Variants in CSMD2 observed in about 807,000 individuals in gnomAD.
The protein encoded by CSMD2 is CUB and Sushi multiple domains 2, also known as CUB and sushi domain-containing protein 2.
CSMD2 carries 130 observed loss-of-function variants against 398.5 expected under a neutral mutation model. That is an observed-to-expected ratio of 0.33 (90% CI 0.28 to 0.38). CSMD2 has a LOEUF of 0.38. CSMD2 is among the 10% of genes least tolerant of loss of function. The pLI is 1.00. For synonymous variants in CSMD2, 1,828 were observed against 1,908.5 expected (o/e 0.96, Z 1.10); for missense variants, 3,829 against 4,764.9 (o/e 0.80, Z 5.78).
chr1:33,921,068 G>C (rs1570509895), intron 4 of CSMD2, among the ~76,000 whole-genome samples: 1 of 152,270 alleles, frequency 6.6e-6, no homozygotes, highest in East Asian at 1.9e-4. Flanking sequence ...ACAGAGCTGG[G>C]CTGGACAGGA....
rs544251858 is a variant in CSMD2 at position 33,566,595 on chromosome 1, T to C, written c.8380+998A>G. On this transcript the variant is annotated intron_variant, in intron 53 of 70. Transcript: ENST00000373381. ...AGAGAAGCAGAAGGCTAAAATAGAA[T>C]GGTCAAAGGTGCATCAGGCAAAAGA... 4.6e-5 allele frequency among the ~76,000 whole-genome samples: 7 copies of C among 152,274 alleles called. 1 individual carries two copies. The highest frequency in any genetic ancestry group is 1.2e-4 in the African/African-American group (5 of 41,564).
At chr1:33,557,693 G>A in intron 55 of CSMD2, 41 bp downstream of exon 55, 2 of 1,514,534 alleles carry the variant, frequency 1.3e-6, no homozygotes, top group Non-Finnish European at 1.8e-6. Flanking sequence ...TTTGACACGG[G>A]CCACCCCATC....
chr1:34,112,232 G>A (rs1268329009), intron 1 of CSMD2, among the ~76,000 whole-genome samples: 1 of 152,164 alleles, frequency 6.6e-6, no homozygotes, highest in Non-Finnish European at 1.5e-5. Flanking sequence ...TGGGCATGTG[G>A]AGACACTGGG....
intron 25 of CSMD2, among the ~76,000 whole-genome samples, chr1:33,666,766 C>G (rs1178764865): frequency 6.6e-6 from 1 of 151,994 alleles, no homozygotes; most frequent in Non-Finnish European, 1.5e-5. Context: ...CACTGCTGTG[C>G]CAGGCTGCCC....
intron 53 of CSMD2, among the ~76,000 whole-genome samples, chr1:33,562,726 G>A (rs1658688724): frequency 6.6e-6 from 1 of 152,210 alleles, no homozygotes; most frequent in Non-Finnish European, 1.5e-5. Context: ...GGCTTTGAGT[G>A]AAATAGATTA....
intron 44 of CSMD2, chr1:33,592,494 G>A: frequency 1.4e-6 from 1 of 717,188 alleles, no homozygotes. Flanking sequence ...AGTGCCCTGA[G>A]GAGCAGTTAA....
At chr1:33,580,499 A>G (rs1049425815) in intron 48 of CSMD2, among the ~76,000 whole-genome samples, 1 of 152,242 alleles carries the variant, frequency 6.6e-6, no homozygotes, top group African/African-American at 2.4e-5. Context: ...AAGGGACAGG[A>G]TCACTGTTAG....
At chr1:33,955,243 T>C (rs1645127964) in intron 3 of CSMD2, among the ~76,000 whole-genome samples, 1 of 152,184 alleles carries the variant, frequency 6.6e-6, no homozygotes, top group South Asian at 2.1e-4. Flanking sequence ...TTATCTTATT[T>C]TCCCCCACGA....
At chr1:33,837,111 G>GT (rs574886628) in intron 6 of CSMD2, among the ~76,000 whole-genome samples, 4 of 152,152 alleles carry the variant, frequency 2.6e-5, no homozygotes, top group South Asian at 2.1e-4. Flanking sequence ...TAGCCATCTT[G>GT]TTTTTTTAAC....
chr1:33,692,967 T>C lies in CSMD2; in HGVS notation c.4015A>G (p.Ile1339Val). The C allele has an allele frequency of 6.2e-7, 1 of 1,608,212 alleles. No individual in the cohort carries two copies. The highest frequency in any genetic ancestry group is 8.5e-7 in the Non-Finnish European group (1 of 1,177,512). Residue 1339 changes from isoleucine to valine, a missense_variant, in exon 25 of 71, where the codon ATC (isoleucine) becomes GTC (valine). By Grantham distance (29) the Ile-to-Val change is conservative. This residue lies in a region of CSMD2 where 2,001 missense variants were observed against 2,567.1 expected (regional missense o/e 0.78). Transcript: ENST00000373381. Reference sequence around the variant, plus strand: ...CCGGCCTCTGCTTCGATGGTCCAGATGCAGTTGAGATTGTGTTCATAGGGA... The same window carrying C: ...CCGGCCTCTGCTTCGATGGTCCAGACGCAGTTGAGATTGTGTTCATAGGGA... ...PAPYEHNLNC[I>V]WTIEAEAGCT...
Position 33,542,701 on chromosome 1 carries a change from G to A in CSMD2, c.9277+19C>T, listed in dbSNP as rs372894611. On this transcript the variant is annotated intron_variant, in intron 58 of 70. Transcript: ENST00000373381. ...TGGGCCACTGTTGGCCATGGAACCC[G>A]TAGGGCCTGAGCTCTCACCGAGGCA... The A allele has an allele frequency of 1.9e-4, 311 of 1,606,060 alleles. No homozygotes were observed. The highest frequency in any genetic ancestry group is 2.0e-4 in the Non-Finnish European group (231 of 1,175,766).
intron 25 of CSMD2, among the ~76,000 whole-genome samples, chr1:33,689,362 G>C (rs1022778585): frequency 6.6e-6 from 1 of 152,188 alleles, no homozygotes; most frequent in Non-Finnish European, 1.5e-5. Flanking sequence ...ACTAAGGACT[G>C]ATGTTATCTT....
At position 33,709,119 on chromosome 1, in the gene CSMD2, T is replaced by C. The variant is rs759881019; in HGVS notation, c.3546A>G (p.Ala1182=). The C allele has an allele frequency of 6.2e-7, 1 of 1,613,946 alleles. No homozygotes were observed. The highest frequency in any genetic ancestry group is 8.5e-7 in the Non-Finnish European group (1 of 1,179,912). ...PGKGIQLKAR[A]FELSEGDVLK... ...GGACATCTCCTTCGGAGAGTTCGAA[T>C]GCCCTGGCTTTCAGCTGAATTCCCT... Residue 1182 remains alanine, a synonymous_variant, in exon 22 of 71, where the codon GCA becomes GCG. Transcript: ENST00000373381.
chr1:33,798,627 C>T (rs1343164360), intron 10 of CSMD2, among the ~76,000 whole-genome samples: 1 of 152,192 alleles, frequency 6.6e-6, no homozygotes. Context: ...CCAGAGCAGG[C>T]AGTCTGGACT....
chr1:33,674,332 G>A (rs1174097084), intron 25 of CSMD2, among the ~76,000 whole-genome samples: 3 of 151,996 alleles, frequency 2.0e-5, no homozygotes, highest in East Asian at 1.9e-4. Flanking sequence ...AACAGACTTT[G>A]AACCAACAAA....
intron 1 of CSMD2, among the ~76,000 whole-genome samples, chr1:34,120,106 A>G (rs1489139512): frequency 3.3e-5 from 5 of 152,254 alleles, no homozygotes; most frequent in African/African-American, 1.2e-4. Flanking sequence ...AAGGAAGGAA[A>G]TCTTTTCATA....
At chr1:33,664,243 A>G (rs2149005127) in intron 25 of CSMD2, among the ~76,000 whole-genome samples, 1 of 152,296 alleles carries the variant, frequency 6.6e-6, no homozygotes, top group East Asian at 1.9e-4. Flanking sequence ...ATGCTTCCAG[A>G]GTTTTTTTCA....
Position 33,571,513 on chromosome 1 carries a change from C to T in CSMD2, c.7957+19G>A, listed in dbSNP as rs369605505. 111 of 1,413,306 alleles carry T rather than the reference C, an allele frequency of 7.9e-5. No individual in the cohort carries two copies. Among genetic ancestry groups the T allele is most frequent in the African/African-American group, 1.0e-4 (7 of 70,282 alleles). The allele number at this position is 1,413,306 out of a possible 1,614,324, so 87.5% of individuals were successfully genotyped here. Reference sequence around the variant, plus strand: ...GAGGGACCCTGCTAAACTTGCCCACCCTCCCTTCCTGGGCTTACTTCGGCA... The same window carrying T: ...GAGGGACCCTGCTAAACTTGCCCACTCTCCCTTCCTGGGCTTACTTCGGCA... On this transcript the variant is annotated intron_variant, in intron 51 of 70. Transcript: ENST00000373381.
chr1:33,707,683 A>ACG (rs148089714), intron 22 of CSMD2, among the ~76,000 whole-genome samples: 280 of 72,260 alleles, frequency 3.9e-3, no homozygotes, highest in African/African-American at 6.1e-3. Context: ...ACGCGTGCAC[A>ACG]CGCGCGCGCG....
Sources: allele counts gnomAD v4.1 joint callset (sites outside exome capture counted in the v4.1 genomes callset), GRCh38; gene constraint gnomAD v4.1.1; regional missense constraint gnomAD v4.1.1; transcripts MANE v1.5; gene names NCBI Gene and HGNC (gene_info 2026-07-23, HGNC 2026-07-21).